AK9: variants seen among roughly 807,000 people sequenced by gnomAD.
The protein encoded by AK9 is adenylate kinase 9.
Under a neutral mutation model 239.6 loss-of-function variants are expected in AK9, and 191 were observed. That is an observed-to-expected ratio of 0.80 (90% CI 0.71 to 0.90). The LOEUF (loss-of-function observed/expected upper bound fraction) is 0.90, where lower values mean the gene tolerates loss of function less well. Among genes scored for constraint, AK9 ranks in the 40% least tolerant of loss-of-function variants. The pLI, the probability that AK9 is intolerant of heterozygous loss-of-function variation, is 0.00. For missense variants in AK9, 1,995 were observed against 2,214.7 expected (o/e 0.90, Z 1.99); for synonymous variants, 689 against 721.0 (o/e 0.96, Z 0.71).
At chr6:109,603,653 A>G (rs1792404217) in intron 17 of AK9, among the ~76,000 whole-genome samples, 1 of 152,168 alleles carries the variant, frequency 6.6e-6, no homozygotes, top group South Asian at 2.1e-4. Context: ...TTGTTTGGCT[A>G]TGCCCTGCCC....
chr6:109,606,735 T>G (rs1204323182), intron 17 of AK9, among the ~76,000 whole-genome samples: 2 of 152,204 alleles, frequency 1.3e-5, no homozygotes, highest in African/African-American at 2.4e-5. Context: ...TAAGGTCCCA[T>G]GTCCCTCTGC....
chr6:109,531,724 G>A (rs958891850), intron 28 of AK9, among the ~76,000 whole-genome samples: 1 of 152,112 alleles, frequency 6.6e-6, no homozygotes, highest in Admixed American at 6.6e-5. Flanking sequence ...AATGTGCTTT[G>A]GTAGGCTCTC....
intron 30 of AK9, 80 bp from the exon 31 acceptor site, chr6:109,516,155 C>T: frequency 8.3e-7 from 1 of 1,210,860 alleles, no homozygotes; most frequent in Non-Finnish European, 1.1e-6. Flanking sequence ...GTAGACACTG[C>T]TGGTGACTGA....
chr6:109,545,843 A>G (rs750792689), intron 26 of AK9, 24 bp downstream of exon 26: 2 of 1,574,588 alleles, frequency 1.3e-6, no homozygotes, highest in South Asian at 2.4e-5. Context: ...AAAACAAACA[A>G]AAAACAAAAA....
chr6:109,675,614 T>TA lies in AK9; in HGVS notation c.117+14dup. On this transcript the variant is annotated intron_variant, in intron 2 of 40. Coordinates refer to ENST00000424296, the MANE Select transcript of AK9 (RefSeq NM_001145128.3). ...AAATAAAAAAAATTATACCAAATAA[T>TA]AAGAGATAACTTACTGGTTTCCCAA... The TA allele has an allele frequency of 7.2e-7, 1 of 1,380,006 alleles. No individual in the cohort carries two copies. The highest frequency in any genetic ancestry group is 2.6e-5 in the East Asian group (1 of 39,014). 85.5% of individuals were successfully genotyped at this position (1,380,006 alleles called of 1,614,324 possible). A position where few individuals can be genotyped will look rare whatever the true frequency, so the allele number is the denominator to read the frequency against.
At chr6:109,599,153 C>A (rs1322427931) in intron 17 of AK9, among the ~76,000 whole-genome samples, 2 of 152,154 alleles carry the variant, frequency 1.3e-5, no homozygotes, top group Non-Finnish European at 1.5e-5. Context: ...CTTGCCTATT[C>A]CTATGCCCTG....
intron 8 of AK9, among the ~76,000 whole-genome samples, chr6:109,655,502 G>A (rs561847901): frequency 6.6e-6 from 1 of 152,222 alleles, no homozygotes; most frequent in East Asian, 1.9e-4. Context: ...TTTGAGTGTG[G>A]TTTCATCTAT....
At chr6:109,604,584 T>C (rs1792586792) in intron 17 of AK9, among the ~76,000 whole-genome samples, 2 of 152,320 alleles carry the variant, frequency 1.3e-5, no homozygotes, top group Admixed American at 6.5e-5. Context: ...GCTTCTGGCA[T>C]GTTTATCAGG....
At chr6:109,604,203 C>T (rs1792528606) in intron 17 of AK9, among the ~76,000 whole-genome samples, 1 of 152,150 alleles carries the variant, frequency 6.6e-6, no homozygotes, top group Non-Finnish European at 1.5e-5. Context: ...CCTATTTGGC[C>T]ATCTTGGAAC....
At chr6:109,588,943 T>A (rs1204392531) in intron 17 of AK9, among the ~76,000 whole-genome samples, 1 of 152,340 alleles carries the variant, frequency 6.6e-6, no homozygotes, top group East Asian at 1.9e-4. Flanking sequence ...AGTGTCTTTT[T>A]AAAATACCAG....
chr6:109,524,288 GA>G (rs1312942915), intron 29 of AK9, among the ~76,000 whole-genome samples: 4 of 151,966 alleles, frequency 2.6e-5, no homozygotes, highest in Admixed American at 1.3e-4. Context: ...AAAAAAGATG[GA>G]AAAAAATCAA....
chr6:109,506,527 T>C lies in AK9; in HGVS notation c.4649A>G (p.Asn1550Ser). ...NEQRLPYPLH[N>S]SAQIVAVNNV... Reference sequence around the variant, plus strand: ...ATTGACAGCTACAATTTGTGCACTATTGTGCAATGGATAAGGCAATCTAAT... The same window carrying C: ...ATTGACAGCTACAATTTGTGCACTACTGTGCAATGGATAAGGCAATCTAAT... The change falls in exon 35 of 41, where the codon AAT becomes AGT. Residue 1550 changes from asparagine (N) to serine (S), a missense_variant. Asn to Ser is a conservative substitution (Grantham distance 46). Around this residue, in one of 5 missense-constraint regions of AK9, gnomAD observed 391 missense variants for 456.0 expected, o/e 0.86. Coordinates refer to ENST00000424296, the MANE Select transcript of AK9 (RefSeq NM_001145128.3). The C allele has an allele frequency of 1.3e-6, 2 of 1,592,894 alleles. No homozygotes were observed. The highest frequency in any genetic ancestry group is 1.7e-6 in the Non-Finnish European group (2 of 1,167,276).
Position 109,632,681 on chromosome 6 carries a change from T to C in AK9, c.1254+242A>G, listed in dbSNP as rs553091639. 5.8e-5 allele frequency: 54 copies of C among 937,616 alleles called. No homozygotes were observed. In the African/African-American group the frequency reaches 7.4e-4, roughly 13 times the overall value. The allele number at this position is 937,616 out of a possible 1,614,324, so 58.1% of individuals were successfully genotyped here. On this transcript the variant is annotated intron_variant, in intron 12 of 40. Coordinates refer to ENST00000424296, the MANE Select transcript of AK9 (RefSeq NM_001145128.3). ...GTCTGAATGACACGATATTCACATG[T>C]GGGAGCTTTTGGGAAGCAGGGAGGG...
At chr6:109,551,773 A>G (rs1784393628) in intron 24 of AK9, among the ~76,000 whole-genome samples, 2 of 139,598 alleles carry the variant, frequency 1.4e-5, no homozygotes, top group African/African-American at 2.5e-5. Flanking sequence ...TTTCTTCCAA[A>G]AAAAAAAAGG....
intron 17 of AK9, among the ~76,000 whole-genome samples, chr6:109,597,180 T>C (rs1791150537): frequency 6.6e-6 from 1 of 152,140 alleles, no homozygotes; most frequent in African/African-American, 2.4e-5. Flanking sequence ...GAGTAAACAT[T>C]TTAAAGTCTT....
At chr6:109,622,669 CAT>C (rs1407401441) in intron 12 of AK9, among the ~76,000 whole-genome samples, 3 of 147,038 alleles carry the variant, frequency 2.0e-5, no homozygotes, top group Non-Finnish European at 3.0e-5. Context: ...ATAATGTATA[CAT>C]ATATGATATA....
In AK9 at chr6:109,567,400, T is replaced by G. The variant is rs568548607; in HGVS notation, c.2345-2555A>C. On this transcript the variant is annotated intron_variant, in intron 21 of 40. Transcript: ENST00000424296. Reference sequence around the variant, plus strand: ...ACCAGGAAGAAGCTGAATCCCTGAATAGACCAATAACAGGTTCTGAAATTG... The same window carrying G: ...ACCAGGAAGAAGCTGAATCCCTGAAGAGACCAATAACAGGTTCTGAAATTG... Among the ~76,000 whole-genome samples, 6 of 152,198 alleles carry G rather than the reference T, an allele frequency of 3.9e-5. No homozygotes were observed. In the South Asian group the frequency reaches 8.3e-4, roughly 21 times the overall value.
chr6:109,497,362 A>ACACTCT (rs1554230922), intron 38 of AK9, 103 bp downstream of exon 38: 5,926 of 494,464 alleles, frequency 0.012, 134 homozygotes, highest in African/African-American at 0.083. Context: ...ACACACACAC[A>ACACTCT]CTCTCTCTCT....
chr6:109,548,603 A>G (rs1033766296), intron 25 of AK9, among the ~76,000 whole-genome samples: 1 of 152,226 alleles, frequency 6.6e-6, no homozygotes, highest in Non-Finnish European at 1.5e-5. Context: ...CTAATTGACA[A>G]GGACTGATGA....
Sources: allele counts gnomAD v4.1 joint callset (sites outside exome capture counted in the v4.1 genomes callset), GRCh38; gene constraint gnomAD v4.1.1; regional missense constraint gnomAD v4.1.1; transcripts MANE v1.5; gene names NCBI Gene and HGNC (gene_info 2026-07-23, HGNC 2026-07-21).